Variants in SHOX2 observed in about 807,000 individuals in gnomAD.
SHOX2 encodes SHOX homeobox 2, also known as short stature homeobox protein 2.
SHOX2 carries 13 observed loss-of-function variants against 31.3 expected under a neutral mutation model. The observed-to-expected ratio is 0.42, with a 90% CI of 0.27 to 0.66. The LOEUF (loss-of-function observed/expected upper bound fraction) is 0.66, where lower values mean the gene tolerates loss of function less well. SHOX2 is among the 30% of genes least tolerant of loss of function. SHOX2 has a pLI of 0.27. For missense variants in SHOX2, 473 were observed against 443.0 expected, an observed-to-expected ratio of 1.07 and a Z score of -0.61; for synonymous variants, 244 against 196.2, an observed-to-expected ratio of 1.24 and a Z score of -2.04.
chr3:158,099,057 T>C (rs528505030), intron 4 of SHOX2, among the ~76,000 whole-genome samples: 1 of 152,334 alleles, frequency 6.6e-6, no homozygotes, highest in African/African-American at 2.4e-5. Context: ...CGACTCTCAA[T>C]TCATGGTCAC....
At chr3:158,100,738 C>T (rs181726760) in intron 2 of SHOX2, among the ~76,000 whole-genome samples, 9 of 152,264 alleles carry the variant, frequency 5.9e-5, no homozygotes, top group East Asian at 1.9e-4. Context: ...GACTCCTTTG[C>T]GGAGAAGGAG....
In SHOX2 at chr3:158,099,849, G is replaced by C. The variant is rs752072228; in HGVS notation, c.702+11C>G. On this transcript the variant is annotated intron_variant, in intron 4 of 4. Transcript: ENST00000483851. ...ATATTTAAAAACAGCTTGAAACTAGGCTGTACTTGCCTGCTGAAATGGCAT... is the reference window on the plus strand; with the variant it reads ...ATATTTAAAAACAGCTTGAAACTAGCCTGTACTTGCCTGCTGAAATGGCAT... 1 of 1,603,186 alleles carries C rather than the reference G, an allele frequency of 6.2e-7. No individual in the cohort carries two copies. Among genetic ancestry groups the C allele is most frequent in the Non-Finnish European group, 8.5e-7 (1 of 1,170,284 alleles).
chr3:158,102,900 C>T lies in SHOX2; in HGVS notation c.347-14G>A, dbSNP rs149508069. ...GCTCCGGGGACACTGGAGGGGGCAC[C>T]CCAGCGGGGCCACACGTGCATCCAC... On this transcript the variant is annotated splice_polypyrimidine_tract_variant and intron_variant, in intron 1 of 4. Transcript: ENST00000483851. 6.2e-7 allele frequency: 1 copy of T among 1,611,948 alleles called. No individual in the cohort carries two copies. The highest frequency in any genetic ancestry group is 1.1e-5 in the South Asian group (1 of 91,022).
chr3:158,101,112 G>C (rs1262673679), intron 2 of SHOX2, among the ~76,000 whole-genome samples: 1 of 152,188 alleles, frequency 6.6e-6, no homozygotes. Context: ...TTTACAGGCA[G>C]TATGACAGAT....
At chr3:158,100,065 C>T (rs1713396428) in intron 3 of SHOX2, 117 bp from the exon 4 acceptor site, 1 of 980,340 alleles carries the variant, frequency 1.0e-6, no homozygotes, top group Admixed American at 2.6e-5. Context: ...TCTTTCTAAA[C>T]TGCATCCAAA....
chr3:158,099,939 A>C lies in SHOX2; in HGVS notation c.623T>G (p.Ile208Arg), dbSNP rs1376537291. 1 of 1,613,912 alleles carries C rather than the reference A, an allele frequency of 6.2e-7. No individual in the cohort carries two copies. The highest frequency in any genetic ancestry group is 8.5e-7 in the Non-Finnish European group (1 of 1,179,878). ...QENQLHKGVL[I>R]GAASQFEACR... ...AGCTTCAAACTGGCTGGCGGCCCCTATGAGAACACCTGTAAAAAGTACAAG... is the reference window on the plus strand; with the variant it reads ...AGCTTCAAACTGGCTGGCGGCCCCTCTGAGAACACCTGTAAAAAGTACAAG... The change falls in exon 4 of 5, where the codon ATA (isoleucine) becomes AGA (arginine). Residue 208 changes from isoleucine to arginine, a missense_variant. Transcript: ENST00000483851.
At position 158,099,741 on chromosome 3, in the gene SHOX2, G is replaced by T. The variant is rs1578074288; in HGVS notation, c.702+119C>A. The T allele has an allele frequency of 6.9e-5, 53 of 764,078 alleles. No individual in the cohort carries two copies. The East Asian group carries it at 1.4e-3, about 20-fold the overall frequency. 47.3% of individuals were successfully genotyped at this position (764,078 alleles called of 1,614,324 possible). A position where few individuals can be genotyped will look rare whatever the true frequency, so the allele number is the denominator to read the frequency against. On this transcript the variant is annotated intron_variant, in intron 4 of 4. Coordinates refer to ENST00000483851, the MANE Select transcript of SHOX2 (RefSeq NM_001163678.2). ...TGGGTCCACTATATCATCTCAAAATGATTCTCCAACTATGCAGACATTGAC... is the reference window on the plus strand; with the variant it reads ...TGGGTCCACTATATCATCTCAAAATTATTCTCCAACTATGCAGACATTGAC...
In SHOX2 at chr3:158,105,796, C is replaced by T; in HGVS notation, c.229G>A (p.Gly77Ser). 6.8e-7 allele frequency: 1 copy of T among 1,479,574 alleles called. No homozygotes were observed. The highest frequency in any genetic ancestry group is 8.9e-7 in the Non-Finnish European group (1 of 1,119,246). 91.7% of individuals were successfully genotyped at this position (1,479,574 alleles called of 1,614,324 possible). ...GGGGGGGGGGGVGGGGAGGGA... is the reference protein window; with the variant it reads ...GGGGGGGGGGSVGGGGAGGGA... Reference sequence around the variant, plus strand: ...CCGCCTGCTCCTCCTCCTCCTACACCTCCTCCGCCTCCTCCGCCGCCGCCT... The same window carrying T: ...CCGCCTGCTCCTCCTCCTCCTACACTTCCTCCGCCTCCTCCGCCGCCGCCT... Residue 77 changes from glycine to serine, a missense_variant, in exon 1 of 5, where the codon GGT (glycine) becomes AGT (serine). Gly to Ser is a moderately conservative substitution (Grantham distance 56). This residue lies in a region of SHOX2 where 276 missense variants were observed against 230.0 expected (regional missense o/e 1.20). Transcript: ENST00000483851.
intron 4 of SHOX2, among the ~76,000 whole-genome samples, chr3:158,098,795 A>T (rs529179491): frequency 6.6e-6 from 1 of 152,298 alleles, no homozygotes; most frequent in African/African-American, 2.4e-5. Context: ...TTGCCATAAC[A>T]ATTACCCAGG....
chr3:158,102,797 T>C lies in SHOX2; in HGVS notation c.436A>G (p.Asn146Asp). 1 of 1,614,058 alleles carries C rather than the reference T, an allele frequency of 6.2e-7. No homozygotes were observed. Among genetic ancestry groups the C allele is most frequent in the Non-Finnish European group, 8.5e-7 (1 of 1,180,008 alleles). The change falls in exon 2 of 5, where the codon AAT becomes GAT. Residue 146 changes from asparagine to aspartate, a missense_variant. Physicochemically the swap from Asn to Asp is conservative, Grantham distance 23 (BLOSUM62 1). Transcript: ENST00000483851. ...TCATTGAGTTGTTCCAGGGTGAAAT[T>C]GGTCCGACTTCGCCTCTGCTTGATT... ...TKIKQRRSRTNFTLEQLNELE... is the reference protein window; with the variant it reads ...TKIKQRRSRTDFTLEQLNELE...
rs763184179 is a variant in SHOX2, at chr3:158,102,789, G to T, written c.444C>A (p.Thr148=). 6 of 1,613,886 alleles carry T rather than the reference G, an allele frequency of 3.7e-6. No homozygotes were observed. The South Asian group carries it at 6.6e-5, about 18-fold the overall frequency. ...TCTCCAGCTCATTGAGTTGTTCCAG[G>T]GTGAAATTGGTCCGACTTCGCCTCT... The part of the protein sequence containing the change: ...IKQRRSRTNF[T]LEQLNELERL... Residue 148 remains threonine, a synonymous_variant, in exon 2 of 5, where the codon ACC becomes ACA. Transcript: ENST00000483851.
chr3:158,105,386 C>T, intron 1 of SHOX2: 1 of 594,500 alleles, frequency 1.7e-6, no homozygotes, highest in Middle Eastern at 4.5e-4. Context: ...CGGGCCCATC[C>T]TCCCGCTGGT....
At position 158,098,457 on chromosome 3, in the gene SHOX2, G is replaced by A. The variant is rs890627187; in HGVS notation, c.703-173C>T. The A allele has an allele frequency of 1.4e-4, 111 of 772,170 alleles. 1 individual carries two copies. The highest frequency in any genetic ancestry group is 1.8e-4 in the Non-Finnish European group (87 of 487,262). The allele number at this position is 772,170 out of a possible 1,614,324, so 47.8% of individuals were successfully genotyped here. On this transcript the variant is annotated intron_variant, in intron 4 of 4. Transcript: ENST00000483851. The stretch of plus-strand genomic sequence containing the variant: ...CCGACAGTGACCTTCTCAGCCTGTT[G>A]CTGAATCTGGGGTTCCACATGGATA...
In SHOX2 at chr3:158,096,911, T is replaced by TG. The variant is rs1474264792; in HGVS notation, c.*1115_*1116insC. On this transcript the variant is annotated 3_prime_UTR_variant, in exon 5 of 5. Transcript: ENST00000483851. ...GCAAATATATATATATATATATATA[T>TG]ATATATATATATATATATATGGCAA... is the stretch of plus-strand genomic sequence containing the variant. The TG allele has an allele frequency of 9.0e-6, 1 of 111,530 alleles. No individual in the cohort carries two copies. Among genetic ancestry groups the TG allele is most frequent in the African/African-American group, 3.2e-5 (1 of 31,150 alleles). 6.9% of individuals were successfully genotyped at this position (111,530 alleles called of 1,614,324 possible).
chr3:158,100,120 A>C, intron 3 of SHOX2, 134 bp downstream of exon 3: 1 of 936,028 alleles, frequency 1.1e-6, no homozygotes, highest in Non-Finnish European at 1.6e-6. Context: ...GACTCCATTA[A>C]CAGCCTTTGA....
Position 158,105,883 on chromosome 3 carries a change from G to C in SHOX2, c.142C>G (p.Arg48Gly). Residue 48 changes from arginine to glycine, a missense_variant, in exon 1 of 5, where the codon CGC becomes GGC. Physicochemically the swap from Arg to Gly is moderately radical, Grantham distance 125. This residue lies in a region of SHOX2 where 276 missense variants were observed against 230.0 expected (regional missense o/e 1.20). Coordinates refer to ENST00000483851, the MANE Select transcript of SHOX2 (RefSeq NM_001163678.2). ...ACTGCCGGGCTGCTGCGGTCGTCGCGGCCCGCCTCGGTGCAGCCGGTCGGC... is the reference window on the plus strand; with the variant it reads ...ACTGCCGGGCTGCTGCGGTCGTCGCCGCCCGCCTCGGTGCAGCCGGTCGGC... The part of the protein sequence containing the change: ...KEPTGCTEAG[R>G]DDRSSPAVRA... 2 of 1,546,392 alleles carry C rather than the reference G, an allele frequency of 1.3e-6. No individual in the cohort carries two copies. The highest frequency in any genetic ancestry group is 1.7e-6 in the Non-Finnish European group (2 of 1,152,114).
At chr3:158,105,332 C>T (rs1472847396) in intron 1 of SHOX2, 2 of 591,496 alleles carry the variant, frequency 3.4e-6, no homozygotes, top group South Asian at 4.1e-5. Context: ...TCCTGCAGCC[C>T]GGCCCCGCGA....
At position 158,096,889 on chromosome 3, in the gene SHOX2, A is replaced by AATATATATATATATATATATAT. The variant is rs769658802; in HGVS notation, c.*1116_*1137dup. On this transcript the variant is annotated 3_prime_UTR_variant, in exon 5 of 5. Coordinates refer to ENST00000483851, the MANE Select transcript of SHOX2 (RefSeq NM_001163678.2). Reference sequence around the variant, plus strand: ...GTTCCCCAGGATCAAAGACAGGGCAAATATATATATATATATATATATATA... The same window carrying AATATATATATATATATATATAT: ...GTTCCCCAGGATCAAAGACAGGGCAAATATATATATATATATATATATATATATATATATATATATATATATA... 4.3e-5 allele frequency: 1 copy of AATATATATATATATATATATAT among 23,098 alleles called. No homozygotes were observed. 1.4% of individuals were successfully genotyped at this position (23,098 alleles called of 1,614,324 possible). A position where few individuals can be genotyped will look rare whatever the true frequency, so the allele number is the denominator to read the frequency against.
rs1292783980 is a variant in SHOX2 at position 158,096,803 on chromosome 3, C to CCCA, written c.*1221_*1223dup. The CCCA allele has an allele frequency of 6.7e-6, 1 of 149,118 alleles. No individual in the cohort carries two copies. The highest frequency in any genetic ancestry group is 2.5e-5 in the African/African-American group (1 of 40,346). 9.2% of individuals were successfully genotyped at this position (149,118 alleles called of 1,614,324 possible). A position where few individuals can be genotyped will look rare whatever the true frequency, so the allele number is the denominator to read the frequency against. On this transcript the variant is annotated 3_prime_UTR_variant, in exon 5 of 5. Coordinates refer to ENST00000483851, the MANE Select transcript of SHOX2 (RefSeq NM_001163678.2). ...CTTTTTCCTTTCCCCACATATTCTG[C>CCCA]CCACCTCTGTCTTCTTAGGACAATG... is the stretch of plus-strand genomic sequence containing the variant.
Sources: allele counts gnomAD v4.1 joint callset (sites outside exome capture counted in the v4.1 genomes callset), GRCh38; gene constraint gnomAD v4.1.1; regional missense constraint gnomAD v4.1.1; transcripts MANE v1.5; gene names NCBI Gene and HGNC (gene_info 2026-07-23, HGNC 2026-07-21).